Variants in PUS1 observed in about 807,000 individuals in gnomAD.
The protein encoded by PUS1 is pseudouridine synthase 1.
A neutral mutation model predicts 38.5 loss-of-function variants in PUS1; 25 were observed. The ratio of observed to expected loss-of-function variants is 0.65; its 90% CI spans 0.47 to 0.91. The LOEUF is 0.91. PUS1 is among the 40% of genes least tolerant of loss of function. The probability of loss-of-function intolerance (pLI) is 0.00; values close to 1 mark genes in which losing one functional copy is unlikely to be tolerated. For missense variants in PUS1, 597 were observed against 612.3 expected (o/e 0.97, Z 0.26); for synonymous variants, 282 against 260.4 (o/e 1.08, Z -0.80).
In PUS1 at chr12:131,941,954, G is replaced by C. The variant is rs771486572; in HGVS notation, c.1207G>C (p.Ala403Pro). 5 of 1,612,920 alleles carry C rather than the reference G, an allele frequency of 3.1e-6. No individual in the cohort carries two copies. The South Asian group carries it at 3.3e-5, about 11-fold the overall frequency. Residue 403 changes from alanine (A) to proline (P), a missense_variant, in exon 5 of 6, where the codon GCT (alanine) becomes CCT (proline). By Grantham distance (27) the Ala-to-Pro change is conservative. Transcript: ENST00000376649. The surrounding 1 kb of genome is among the most constrained non-coding windows in gnomAD (Gnocchi z 4.4). ...TLPIHNFSAT[A>P]LTAGGTGAKV... The stretch of plus-strand genomic sequence containing the variant: ...GCCCATCCACAACTTCAGTGCCACC[G>C]CTCTCACGGCAGGTGGCACGGGCGC...
In PUS1 at chr12:131,941,216, G is replaced by A. The variant is rs114879565; in HGVS notation, c.545-76G>A. The A allele has an allele frequency of 5.1e-4, 671 of 1,311,174 alleles. 6 individuals are homozygous for A. The African/African-American group carries it at 8.3e-3, about 16-fold the overall frequency. 81.2% of individuals were successfully genotyped at this position (1,311,174 alleles called of 1,614,324 possible). A position where few individuals can be genotyped will look rare whatever the true frequency, so the allele number is the denominator to read the frequency against. Reference sequence around the variant, plus strand: ...TGGGTAAGGAGACGCTGGGGCTCACGCCGTGCTCAGGCTGCTCCCTGGTCA... The same window carrying A: ...TGGGTAAGGAGACGCTGGGGCTCACACCGTGCTCAGGCTGCTCCCTGGTCA... On this transcript the variant is annotated intron_variant, in intron 4 of 5. Transcript: ENST00000376649. This position sits in a 1 kb window ranked among gnomAD's most constrained non-coding sequence, Gnocchi z 4.4.
At chr12:131,940,842 GGATTACAGGCAT>G (rs1891029015) in intron 4 of PUS1, 1 of 171,698 alleles carries the variant, frequency 5.8e-6, no homozygotes, top group Admixed American at 5.5e-5. Flanking sequence ...CAAAGTGCTG[GGATTACAGGCAT>G]GAGCCACTGC....
intron 3 of PUS1, among the ~76,000 whole-genome samples, chr12:131,937,117 A>G (rs1890865934): frequency 1.3e-5 from 2 of 152,230 alleles, no homozygotes; most frequent in Admixed American, 6.5e-5. Flanking sequence ...CTTGTTTCAG[A>G]ACATCTCGTT....
intron 3 of PUS1, chr12:131,932,977 T>A (rs1427166315): frequency 3.0e-6 from 1 of 333,038 alleles, no homozygotes; most frequent in Admixed American, 4.2e-5. Context: ...TGCGAGAGAG[T>A]GAGGAGGGTA....
At position 131,929,453 on chromosome 12, in the gene PUS1, G is replaced by C. The variant is rs951675675; in HGVS notation, c.-270G>C. 1 of 417,226 alleles carries C rather than the reference G, an allele frequency of 2.4e-6. No homozygotes were observed. Among genetic ancestry groups the C allele is most frequent in the Non-Finnish European group, 4.2e-6 (1 of 236,256 alleles). 25.8% of individuals were successfully genotyped at this position (417,226 alleles called of 1,614,324 possible). On this transcript the variant is annotated 5_prime_UTR_variant, in exon 1 of 6. Transcript: ENST00000376649. ...TTGGAGTTGATCCGTCAGGGTCCCG[G>C]GGCGGTCTGGGGGCAGTAGAGACGG...
chr12:131,931,197 C>T (rs193216618), intron 2 of PUS1, among the ~76,000 whole-genome samples: 71 of 152,074 alleles, frequency 4.7e-4, no homozygotes, highest in Admixed American at 1.2e-3. Flanking sequence ...CTTGCTCTGT[C>T]GCCCAGGCTG....
intron 5 of PUS1, among the ~76,000 whole-genome samples, chr12:131,942,632 T>G (rs1891139074): frequency 6.6e-6 from 1 of 152,190 alleles, no homozygotes; most frequent in South Asian, 2.1e-4. Flanking sequence ...GGTCTTGATC[T>G]CCTGACCTTG....
At position 131,943,047 on chromosome 12, in the gene PUS1, T is replaced by C. The variant is rs533873925; in HGVS notation, c.1237-492T>C. On this transcript the variant is annotated intron_variant, in intron 5 of 5. Transcript: ENST00000376649. ...TGGTGGCCATGTTGGAATGTGACAG[T>C]GACCGTATGCTTAAATGTTATCAAG... Among the ~76,000 whole-genome samples, 108 of 152,370 alleles carry C rather than the reference T, an allele frequency of 7.1e-4. 1 individual carries two copies. The highest frequency in any genetic ancestry group is 2.5e-3 in the African/African-American group (106 of 41,586).
At chr12:131,936,589 CAA>C (rs1036937025) in intron 3 of PUS1, among the ~76,000 whole-genome samples, 10 of 151,306 alleles carry the variant, frequency 6.6e-5, no homozygotes, top group African/African-American at 1.2e-4. Flanking sequence ...ACAAAAGAAA[CAA>C]AAAGTGTGCG....
rs1275207512 is a variant in PUS1, at chr12:131,941,818, C to A, written c.1071C>A (p.Asp357Glu). Residue 357 changes from aspartate to glutamate, a missense_variant, in exon 5 of 6, where the codon GAC (aspartate) becomes GAA (glutamate). Coordinates refer to ENST00000376649, the MANE Select transcript of PUS1 (RefSeq NM_025215.6). The surrounding 1 kb of genome is among the most constrained non-coding windows in gnomAD (Gnocchi z 4.4). ...FGNDGLHEPLDWAQEEGKVAA... is the reference protein window; with the variant it reads ...FGNDGLHEPLEWAQEEGKVAA... Reference sequence around the variant, plus strand: ...ACGATGGGCTGCATGAGCCGCTGGACTGGGCGCAGGAGGAAGGAAAGGTCG... The same window carrying A: ...ACGATGGGCTGCATGAGCCGCTGGAATGGGCGCAGGAGGAAGGAAAGGTCG... 1 of 1,613,850 alleles carries A rather than the reference C, an allele frequency of 6.2e-7. No individual in the cohort carries two copies. Among genetic ancestry groups the A allele is most frequent in the Admixed American group, 1.7e-5 (1 of 60,026 alleles).
chr12:131,935,691 G>A (rs371718983), intron 3 of PUS1, among the ~76,000 whole-genome samples: 2 of 151,826 alleles, frequency 1.3e-5, no homozygotes, highest in Admixed American at 1.3e-4. Context: ...GCGTCACCAC[G>A]CCCGGCTGAT....
intron 3 of PUS1, among the ~76,000 whole-genome samples, chr12:131,938,541 T>C (rs1054009439): frequency 6.6e-6 from 1 of 152,120 alleles, no homozygotes; most frequent in African/African-American, 2.4e-5. Flanking sequence ...GTAAACTTGA[T>C]CAGTTTTTAT....
At position 131,929,722 on chromosome 12, in the gene PUS1, C is replaced by T. The variant is rs373840712; in HGVS notation, c.-1C>T. The T allele has an allele frequency of 2.7e-5, 43 of 1,588,082 alleles. No homozygotes were observed. The highest frequency in any genetic ancestry group is 4.6e-5 in the East Asian group (2 of 43,480). On this transcript the variant is annotated 5_prime_UTR_variant, in exon 1 of 6. Transcript: ENST00000376649. ...GGGTCGGGTGCACTGGTAGCCTGCG[C>T]ATGGGCCTCCAGCTTCGCGCGCTGT...
rs1891253308 is a variant in PUS1, at chr12:131,945,427, G to A, written c.*1841G>A. On this transcript the variant is annotated 3_prime_UTR_variant, in exon 6 of 6. Transcript: ENST00000376649. ...GGAACGGGAGACAGGGAAAGGAATGGGTTTGGAGAACAAGCAGGAGCTTGG... is the reference window on the plus strand; with the variant it reads ...GGAACGGGAGACAGGGAAAGGAATGAGTTTGGAGAACAAGCAGGAGCTTGG... The A allele has an allele frequency of 6.6e-6, 1 of 152,280 alleles. No homozygotes were observed. The highest frequency in any genetic ancestry group is 2.1e-4 in the South Asian group (1 of 4,832). The allele number at this position is 152,280 out of a possible 1,614,324, so 9.4% of individuals were successfully genotyped here. A position where few individuals can be genotyped will look rare whatever the true frequency, so the allele number is the denominator to read the frequency against.
Position 131,941,768 on chromosome 12 carries a change from G to A in PUS1, c.1021G>A (p.Glu341Lys), listed in dbSNP as rs142624501. ...LGLVLERVHFEKYNQRFGNDG... is the reference protein window; with the variant it reads ...LGLVLERVHFKKYNQRFGNDG... ...CCTGGTCCTGGAGAGGGTGCACTTC[G>A]AGAAGTACAACCAGCGCTTTGGCAA... Residue 341 changes from glutamate to lysine, a missense_variant, in exon 5 of 6, where the codon GAG becomes AAG. By Grantham distance (56) the Glu-to-Lys change is moderately conservative. Transcript: ENST00000376649. The surrounding 1 kb of genome is among the most constrained non-coding windows in gnomAD (Gnocchi z 4.4). 2.9e-5 allele frequency: 47 copies of A among 1,613,648 alleles called. No homozygotes were observed. Among genetic ancestry groups the A allele is most frequent in the Non-Finnish European group, 3.6e-5 (43 of 1,179,718 alleles).
chr12:131,938,289 T>C (rs1177532602), intron 3 of PUS1, among the ~76,000 whole-genome samples: 1 of 151,908 alleles, frequency 6.6e-6, no homozygotes, highest in African/African-American at 2.4e-5. Context: ...ACAAAAAAAA[T>C]TGAAAACTAG....
rs544636949 is a variant in PUS1 at position 131,935,901 on chromosome 12, T to C, written c.442-3272T>C. On this transcript the variant is annotated intron_variant, in intron 3 of 5. Transcript: ENST00000376649. ...CTGTTTTTGTTTCAGATTTTAAAAA[T>C]AGCTTTATTGAAATATAATTCACTT... 2.9e-3 allele frequency among the ~76,000 whole-genome samples: 441 copies of C among 152,308 alleles called. 2 individuals carry two copies. The highest frequency in any genetic ancestry group is 9.9e-3 in the African/African-American group (411 of 41,580).
chr12:131,935,012 G>A (rs559097833), intron 3 of PUS1: 1 of 152,314 alleles, frequency 6.6e-6, no homozygotes, highest in South Asian at 2.1e-4. Context: ...AACACAAAGA[G>A]GGATCCACAA....
Position 131,941,084 on chromosome 12 carries a change from G to A in PUS1, c.545-208G>A. The A allele has an allele frequency of 1.7e-6, 1 of 600,478 alleles. No homozygotes were observed. The highest frequency in any genetic ancestry group is 3.0e-6 in the Non-Finnish European group (1 of 335,502). The allele number at this position is 600,478 out of a possible 1,614,324, so 37.2% of individuals were successfully genotyped here. ...GTTGTAAATTCAGTCACCTTATAGAGCACTGCACCTGTCCCTCCTGTCCAT... is the reference window on the plus strand; with the variant it reads ...GTTGTAAATTCAGTCACCTTATAGAACACTGCACCTGTCCCTCCTGTCCAT... On this transcript the variant is annotated intron_variant, in intron 4 of 5. Coordinates refer to ENST00000376649, the MANE Select transcript of PUS1 (RefSeq NM_025215.6). This position sits in a 1 kb window ranked among gnomAD's most constrained non-coding sequence, Gnocchi z 4.4.
Sources: gnomAD v4.1 joint callset for allele counts (sites outside exome capture counted in the v4.1 genomes callset) on GRCh38, gnomAD v4.1.1 for gene constraint, Gnocchi (gnomAD v3.1) non-coding constraint, MANE v1.5 for transcripts, NCBI Gene and HGNC (gene_info 2026-07-23, HGNC 2026-07-21) for gene names.